ARMC2: variants seen among roughly 807,000 people sequenced by gnomAD.
ARMC2 encodes armadillo repeat containing 2, also known as armadillo repeat-containing protein 2.
ARMC2 carries 67 observed loss-of-function variants against 90.3 expected under a neutral mutation model. The observed-to-expected ratio is 0.74, with a 90% CI of 0.61 to 0.91. The LOEUF (loss-of-function observed/expected upper bound fraction) is 0.91. Among genes scored for constraint, ARMC2 ranks in the 40% least tolerant of loss-of-function variants. The pLI is 0.00. For missense variants in ARMC2, 920 were observed against 1,030.9 expected, an observed-to-expected ratio of 0.89 and a Z score of 1.47; for synonymous variants, 393 against 393.0, an observed-to-expected ratio of 1.00 and a Z score of 0.00.
At chr6:108,901,008 A>G (rs1772082631) in intron 7 of ARMC2, among the ~76,000 whole-genome samples, 1 of 151,954 alleles carries the variant, frequency 6.6e-6, no homozygotes, top group African/African-American at 2.4e-5. Flanking sequence ...GGGTTACACA[A>G]GAAAATATAT....
chr6:108,929,223 A>G (rs1258233101), intron 11 of ARMC2, among the ~76,000 whole-genome samples: 1 of 152,134 alleles, frequency 6.6e-6, no homozygotes, highest in Non-Finnish European at 1.5e-5. Flanking sequence ...GCATTGTAGA[A>G]TCATAAGGAA....
chr6:108,958,481 C>T (rs1777756214), intron 13 of ARMC2, among the ~76,000 whole-genome samples: 1 of 152,154 alleles, frequency 6.6e-6, no homozygotes, highest in South Asian at 2.1e-4. Context: ...GTTCCAGATA[C>T]CAGACACCAT....
At chr6:108,880,535 G>A (rs1013632979) in intron 5 of ARMC2, among the ~76,000 whole-genome samples, 5 of 152,212 alleles carry the variant, frequency 3.3e-5, no homozygotes, top group Non-Finnish European at 7.3e-5. Context: ...TGAGAGGGAA[G>A]TGGTACATAA....
At chr6:109,014,273 C>CT in the ARMC2 span, among the ~76,000 whole-genome samples, 1 of 152,180 alleles carries the variant, frequency 6.6e-6, no homozygotes, top group East Asian at 1.9e-4. Context: ...GTTTTCTAGG[C>CT]TGATAATAAT....
chr6:109,045,779 T>A, the ARMC2 span, among the ~76,000 whole-genome samples: 1 of 152,218 alleles, frequency 6.6e-6, no homozygotes, highest in African/African-American at 2.4e-5. Flanking sequence ...CTGTTTATCT[T>A]GCCCACCTGT....
At chr6:108,873,553 A>G (rs1481748228) in intron 4 of ARMC2, among the ~76,000 whole-genome samples, 3 of 152,148 alleles carry the variant, frequency 2.0e-5, no homozygotes, top group Non-Finnish European at 4.4e-5. Flanking sequence ...GCTGGGCCCA[A>G]TGCTGAATGG....
chr6:108,912,037 CA>C (rs968257547), intron 9 of ARMC2, among the ~76,000 whole-genome samples: 2 of 151,542 alleles, frequency 1.3e-5, no homozygotes, highest in Non-Finnish European at 2.9e-5. Flanking sequence ...ATTTTTGTAA[CA>C]AAAAATAAAG....
At chr6:108,941,984 C>T (rs911475) in intron 12 of ARMC2, among the ~76,000 whole-genome samples, 15,769 of 152,184 alleles carry the variant, frequency 0.1, 1,152 homozygotes, top group Non-Finnish European at 0.16. Flanking sequence ...GTTTAGGCTA[C>T]AAGGAAGTAG....
intron 6 of ARMC2, among the ~76,000 whole-genome samples, chr6:108,896,010 A>G (rs562024113): frequency 6.6e-6 from 1 of 152,370 alleles, no homozygotes; most frequent in East Asian, 1.9e-4. Flanking sequence ...AGATTTTACA[A>G]TACTAAATAG....
At chr6:108,883,615 A>G (rs1269678789) in intron 5 of ARMC2, among the ~76,000 whole-genome samples, 2 of 152,234 alleles carry the variant, frequency 1.3e-5, no homozygotes, top group African/African-American at 4.8e-5. Flanking sequence ...TAATGATTTC[A>G]GCATCCTAAT....
At chr6:108,936,744 T>G (rs1223449132) in intron 11 of ARMC2, among the ~76,000 whole-genome samples, 156 bp from the exon 12 acceptor site, 1 of 152,214 alleles carries the variant, frequency 6.6e-6, no homozygotes, top group Non-Finnish European at 1.5e-5. Flanking sequence ...GAAGCCTCCT[T>G]GCAGCTTCTC....
chr6:108,987,306 A>G, the ARMC2 span: 18 of 431,252 alleles, frequency 4.2e-5, no homozygotes, highest in Admixed American at 6.6e-4. Context: ...TGTACTGTCA[A>G]AAAGCAAAAT....
At chr6:108,929,277 T>A (rs1371085490) in intron 11 of ARMC2, among the ~76,000 whole-genome samples, 1 of 152,158 alleles carries the variant, frequency 6.6e-6, no homozygotes, top group African/African-American at 2.4e-5. Flanking sequence ...AACTTCATAT[T>A]TTTCCCATGT....
the ARMC2 span, among the ~76,000 whole-genome samples, chr6:109,011,637 T>C: frequency 6.6e-6 from 1 of 150,936 alleles, no homozygotes; most frequent in Non-Finnish European, 1.5e-5. Flanking sequence ...TTTTTCTTTT[T>C]TTTTTTTTTT....
chr6:108,940,979 G>A (rs1206261669), intron 12 of ARMC2, among the ~76,000 whole-genome samples: 1 of 152,074 alleles, frequency 6.6e-6, no homozygotes, highest in East Asian at 1.9e-4. Context: ...AAAATTAGCC[G>A]TGCGTGGTGG....
intron 5 of ARMC2, among the ~76,000 whole-genome samples, chr6:108,883,190 A>C (rs1046216334): frequency 6.6e-6 from 1 of 152,242 alleles, no homozygotes; most frequent in Non-Finnish European, 1.5e-5. Flanking sequence ...GAAGGCAGTA[A>C]TGTCTATGAA....
intron 11 of ARMC2, among the ~76,000 whole-genome samples, chr6:108,934,555 G>T (rs1775812463): frequency 6.6e-6 from 1 of 152,164 alleles, no homozygotes; most frequent in Non-Finnish European, 1.5e-5. Context: ...TTTCCTAGAA[G>T]AATTTGTAAA....
the ARMC2 span, among the ~76,000 whole-genome samples, chr6:108,984,917 A>AGAGT: frequency 1.3e-5 from 2 of 152,104 alleles, no homozygotes; most frequent in African/African-American, 4.8e-5. Context: ...ATTGGTTTCT[A>AGAGT]GAGTTCTCAC....
the ARMC2 span, among the ~76,000 whole-genome samples, chr6:109,047,784 T>G: frequency 7.0e-6 from 1 of 143,784 alleles, no homozygotes; most frequent in Non-Finnish European, 1.6e-5. Flanking sequence ...CCTGTTGATC[T>G]GTGACCTTAC....
Sources: allele counts gnomAD v4.1 joint callset (sites outside exome capture counted in the v4.1 genomes callset), GRCh38; gene constraint gnomAD v4.1.1; transcripts MANE v1.5; gene names NCBI Gene and HGNC (gene_info 2026-07-23, HGNC 2026-07-21).